RRM2: variants seen among roughly 807,000 people sequenced by gnomAD.
The protein encoded by RRM2 is ribonucleotide reductase regulatory subunit M2.
Under a neutral mutation model 45.9 loss-of-function variants are expected in RRM2, and 6 were observed. The ratio of observed to expected loss-of-function variants is 0.13; its 90% CI spans 0.07 to 0.26. The LOEUF (loss-of-function observed/expected upper bound fraction) is 0.26. RRM2 is among the 10% of genes least tolerant of loss of function. The pLI, the probability that RRM2 is intolerant of heterozygous loss-of-function variation, is 1.00. For missense variants in RRM2, 343 were observed against 489.5 expected, an observed-to-expected ratio of 0.70 and a Z score of 2.82; for synonymous variants, 177 against 173.0, an observed-to-expected ratio of 1.02 and a Z score of -0.18.
chr2:10,148,194 C>G (rs1663232574), intron 3 of RRM2, among the ~76,000 whole-genome samples: 1 of 143,858 alleles, frequency 7.0e-6, no homozygotes. Flanking sequence ...ACTAACAACT[C>G]TCTCCTTCTT....
chr2:10,132,029 CTG>C (rs1321158446), downstream of RRM2, among the ~76,000 whole-genome samples: 1 of 152,186 alleles, frequency 6.6e-6, no homozygotes, highest in African/African-American at 2.4e-5. Flanking sequence ...CACATCTGAC[CTG>C]TGTGGACTCC....
chr2:10,161,217 C>T (rs1444770457), intron 3 of RRM2, among the ~76,000 whole-genome samples: 1 of 152,190 alleles, frequency 6.6e-6, no homozygotes, highest in East Asian at 1.9e-4. Flanking sequence ...ACCACCATGC[C>T]TGACTAAATG....
chr2:10,174,892 G>A (rs1436575191), intron 3 of RRM2, among the ~76,000 whole-genome samples: 4 of 148,294 alleles, frequency 2.7e-5, no homozygotes. Flanking sequence ...AAGAAAAAAT[G>A]TTGATAGCTA....
intron 3 of RRM2, among the ~76,000 whole-genome samples, chr2:10,196,429 C>A (rs57902042): frequency 0.25 from 38,513 of 152,134 alleles, 5,709 homozygotes; most frequent in Non-Finnish European, 0.33. Context: ...TGGGTCCAGA[C>A]TGTGGCTGTT....
intron 3 of RRM2, among the ~76,000 whole-genome samples, chr2:10,183,885 C>T (rs1375209470): frequency 2.6e-5 from 4 of 151,346 alleles, no homozygotes; most frequent in African/African-American, 9.7e-5. Context: ...GTCAGGAGAT[C>T]GAGACCATCC....
intron 3 of RRM2, among the ~76,000 whole-genome samples, chr2:10,208,828 C>CCAGA (rs1664707011): frequency 6.6e-6 from 1 of 152,042 alleles, no homozygotes; most frequent in Non-Finnish European, 1.5e-5. Context: ...CAGTGCCAAG[C>CCAGA]CAGACACTCA....
Position 10,171,111 on chromosome 2 carries a change from T to A in RRM2, n.482+28736T>A, listed in dbSNP as rs75749647. 5.9e-3 allele frequency among the ~76,000 whole-genome samples: 897 copies of A among 151,838 alleles called. 9 individuals are homozygous for A. Among genetic ancestry groups the A allele is most frequent in the African/African-American group, 0.02 (847 of 41,488 alleles). ...CATCATTATAGGCTGCGCCACTCAT[T>A]ATAGGCTGCGGGGCCTGCACAGACC... On this transcript the variant is annotated intron_variant and non_coding_transcript_variant, in intron 3 of 3. Coordinates refer to the RRM2 transcript ENST00000381786. The surrounding 1 kb of genome is among the most constrained non-coding windows in gnomAD (Gnocchi z 4.1).
At chr2:10,200,257 C>G (rs962802801) in intron 3 of RRM2, among the ~76,000 whole-genome samples, 1 of 152,146 alleles carries the variant, frequency 6.6e-6, no homozygotes, top group African/African-American at 2.4e-5. Context: ...AAAGCCAATC[C>G]CAGCCATGGA....
chr2:10,202,421 C>T lies in RRM2; in HGVS notation n.483-7890C>T, dbSNP rs368773024. Among the ~76,000 whole-genome samples, 28 of 152,314 alleles carry T rather than the reference C, an allele frequency of 1.8e-4. 2 individuals carry two copies. The highest frequency in any genetic ancestry group is 1.2e-3 in the Admixed American group (18 of 15,296). ...AGGAAGAAAGAAACATGAAAAGCGG[C>T]TCAACAGTCAAAGACAGATTTATTT... On this transcript the variant is annotated intron_variant and non_coding_transcript_variant, in intron 3 of 3. Transcript: ENST00000381786.
chr2:10,147,694 A>G (rs544694445), intron 3 of RRM2, among the ~76,000 whole-genome samples: 3 of 152,330 alleles, frequency 2.0e-5, no homozygotes, highest in Admixed American at 2.0e-4. Flanking sequence ...TCCTACTAAA[A>G]ACACTTATGA....
intron 3 of RRM2, among the ~76,000 whole-genome samples, chr2:10,176,553 C>A (rs6749461): frequency 0.21 from 31,929 of 152,186 alleles, 3,691 homozygotes; most frequent in East Asian, 0.52. Flanking sequence ...CAGGCGTGAG[C>A]CATCGTCTAC....
intron 3 of RRM2, among the ~76,000 whole-genome samples, chr2:10,164,696 C>T (rs1241519211): frequency 6.6e-6 from 1 of 152,342 alleles, no homozygotes; most frequent in East Asian, 1.9e-4. Flanking sequence ...TGGGTGTGGC[C>T]AGAGAATCCA....
intron 3 of RRM2, among the ~76,000 whole-genome samples, chr2:10,168,284 A>G (rs746349397): frequency 1.2e-4 from 18 of 151,950 alleles, no homozygotes; most frequent in Non-Finnish European, 2.1e-4. Flanking sequence ...GACACCCCCA[A>G]TAAAATGTGC....
rs558079598 is a variant in RRM2 at position 10,200,721 on chromosome 2, A to T, written n.483-9590A>T. 2.6e-5 allele frequency among the ~76,000 whole-genome samples: 4 copies of T among 151,630 alleles called. 1 individual carries two copies. Among genetic ancestry groups the T allele is most frequent in the Admixed American group, 2.6e-4 (4 of 15,188 alleles). ...GTCCCACGGGGACCGCGCACACAAA[A>T]TATGAGGCCCGCCATCTAAGGGCTC... On this transcript the variant is annotated intron_variant and non_coding_transcript_variant, in intron 3 of 3. Transcript: ENST00000381786.
chr2:10,209,575 ATG>A (rs146042072), intron 3 of RRM2, among the ~76,000 whole-genome samples: 14 of 148,838 alleles, frequency 9.4e-5, no homozygotes, highest in African/African-American at 2.0e-4. Flanking sequence ...ACGTGCTTGC[ATG>A]TGTGTGTGTG....
chr2:10,125,480 C>T (rs1279572496), intron 5 of RRM2, among the ~76,000 whole-genome samples: 3 of 151,984 alleles, frequency 2.0e-5, no homozygotes, highest in Non-Finnish European at 4.4e-5. Flanking sequence ...CTGAAGCGGG[C>T]GGACAATGAG....
intron 3 of RRM2, among the ~76,000 whole-genome samples, chr2:10,162,350 G>A (rs1047086416): frequency 1.3e-5 from 2 of 152,198 alleles, no homozygotes; most frequent in Non-Finnish European, 1.5e-5. Flanking sequence ...GTGTGTGGGC[G>A]TGTGCAGGGC....
chr2:10,123,383 A>G lies in RRM2; in HGVS notation c.175-4A>G, dbSNP rs768108279. The G allele has an allele frequency of 2.5e-6, 4 of 1,601,028 alleles. No individual in the cohort carries two copies. The African/African-American group carries it at 4.1e-5, about 16-fold the overall frequency. On this transcript the variant is annotated splice_polypyrimidine_tract_variant and splice_region_variant and intron_variant, in intron 2 of 9. Coordinates refer to ENST00000304567, the MANE Select transcript of RRM2 (RefSeq NM_001034.4). ...CTTAAATGTTTTATTTTCTCCCCCA[A>G]CAGAAAACTAAAGCAGCTGCCCCCG...
intron 3 of RRM2, chr2:10,142,434 G>A: frequency 7.3e-7 from 1 of 1,361,396 alleles, no homozygotes. Context: ...GAGGTGGCTT[G>A]CGGGGCCTGT....
Sources: allele counts gnomAD v4.1 joint callset (sites outside exome capture counted in the v4.1 genomes callset), GRCh38; gene constraint gnomAD v4.1.1; non-coding constraint Gnocchi (gnomAD v3.1); transcripts MANE v1.5; gene names NCBI Gene and HGNC (gene_info 2026-07-23, HGNC 2026-07-21).